The following PTPRN2 variants were observed in gnomAD, a reference collection of about 807,000 sequenced individuals.
PTPRN2 encodes the protein receptor-type tyrosine-protein phosphatase N2.
PTPRN2 carries 74 observed loss-of-function variants against 118.8 expected under a neutral mutation model. The observed-to-expected ratio is 0.62, with a 90% confidence interval of 0.52 to 0.76. The LOEUF (loss-of-function observed/expected upper bound fraction) is 0.76. PTPRN2 is among the 30% of genes least tolerant of loss of function. The probability of loss-of-function intolerance (pLI) is 0.00; values close to 1 mark genes in which losing one functional copy is unlikely to be tolerated. For synonymous variants in PTPRN2, 641 were observed against 608.0 expected (o/e 1.05, Z -0.80); for missense variants, 1,481 against 1,394.4 (o/e 1.06, Z -0.99).
At chr7:157,835,442 C>T (rs1318376745) in intron 12 of PTPRN2, among the ~76,000 whole-genome samples, 2 of 152,134 alleles carry the variant, frequency 1.3e-5, no homozygotes, top group East Asian at 1.9e-4. Context: ...AGTTCACAAC[C>T]GAACCCGCAA....
intron 21 of PTPRN2, among the ~76,000 whole-genome samples, chr7:157,566,955 A>G (rs2150505887): frequency 6.6e-6 from 1 of 152,288 alleles, no homozygotes; most frequent in Non-Finnish European, 1.5e-5. Context: ...CCAGCAACTC[A>G]CCACATCACA....
chr7:158,430,667 G>A lies in PTPRN2; in HGVS notation c.163+59068C>T, dbSNP rs553594928. 1.3e-4 allele frequency among the ~76,000 whole-genome samples: 20 copies of A among 152,348 alleles called. No individual in the cohort carries two copies. The East Asian group carries it at 1.7e-3, about 13-fold the overall frequency. On this transcript the variant is annotated intron_variant, in intron 2 of 22. Transcript: ENST00000389418. ...ACCAGTGAAGCCATAAAGCCCACTC[G>A]GTGCCTTGTGGGGCCGACACCGTGT...
Position 157,590,347 on chromosome 7 carries a change from AGACCCCTCT to A in PTPRN2, c.2496+4882_2496+4890del, listed in dbSNP as rs546262314. On this transcript the variant is annotated intron_variant, in intron 17 of 22. Transcript: ENST00000389418. The surrounding 1 kb of genome is among the most constrained non-coding windows in gnomAD (Gnocchi z 4.0). The stretch of plus-strand genomic sequence containing the variant: ...TCTGAACTGTAACTCAGACTTCCAC[AGACCCCTCT>A]GAGCTGGAGTAAGGACCAGGAATTC... Among the ~76,000 whole-genome samples, 403 of 152,360 alleles carry A rather than the reference AGACCCCTCT, an allele frequency of 2.6e-3. 3 individuals carry two copies. Among genetic ancestry groups the A allele is most frequent in the African/African-American group, 9.2e-3 (383 of 41,596 alleles).
chr7:158,168,349 T>C (rs755972815), intron 5 of PTPRN2, among the ~76,000 whole-genome samples: 1 of 152,204 alleles, frequency 6.6e-6, no homozygotes, highest in East Asian at 1.9e-4. Flanking sequence ...CCAGACACAT[T>C]CATGAGGCTC....
chr7:157,792,347 G>C (rs1804562266), intron 12 of PTPRN2, among the ~76,000 whole-genome samples: 1 of 152,226 alleles, frequency 6.6e-6, no homozygotes, highest in African/African-American at 2.4e-5. Flanking sequence ...CCATCTCCCT[G>C]AGTTTCAGCT....
At position 158,454,611 on chromosome 7, in the gene PTPRN2, C is replaced by T. The variant is rs145750900; in HGVS notation, c.163+35124G>A. Among the ~76,000 whole-genome samples the T allele has an allele frequency of 4.6e-3, 701 of 151,912 alleles. 8 individuals are homozygous for T. The highest frequency in any genetic ancestry group is 0.016 in the African/African-American group (647 of 41,392). On this transcript the variant is annotated intron_variant, in intron 2 of 22. Transcript: ENST00000389418. The stretch of plus-strand genomic sequence containing the variant: ...GCTACAGAGGACAGACAAGACACAA[C>T]GCACACAATCACCAATGTCAGGATT...
chr7:157,811,332 TTATATATATA>T lies in PTPRN2; in HGVS notation c.1788+87331_1788+87340del, dbSNP rs71189737. 1.2e-3 allele frequency among the ~76,000 whole-genome samples: 155 copies of T among 131,288 alleles called. 1 individual carries two copies. The highest frequency in any genetic ancestry group is 4.2e-3 in the African/African-American group (148 of 35,350). The allele number at this position is 131,288 out of a possible 152,430, so 86.1% of individuals were successfully genotyped here. A position where few individuals can be genotyped will look rare whatever the true frequency, so the allele number is the denominator to read the frequency against. ...TCATGGATTTTTGTAATCTACTCTA[TTATATATATA>T]TATATATATATATATATGCACACAC... is the stretch of plus-strand genomic sequence containing the variant. On this transcript the variant is annotated intron_variant, in intron 12 of 22. Transcript: ENST00000389418.
At chr7:158,125,109 C>T (rs963287747) in intron 9 of PTPRN2, among the ~76,000 whole-genome samples, 28 of 152,278 alleles carry the variant, frequency 1.8e-4, no homozygotes, top group Admixed American at 2.6e-4. Context: ...GCCGGGCTGG[C>T]GAGACATGGC....
chr7:158,053,982 C>CTCCAGAGAT (rs1809566005), intron 11 of PTPRN2, among the ~76,000 whole-genome samples: 1 of 120,122 alleles, frequency 8.3e-6, no homozygotes, highest in African/African-American at 3.1e-5. Context: ...ACCCTAGAGA[C>CTCCAGAGAT]GCAGAGACCC....
intron 3 of PTPRN2, among the ~76,000 whole-genome samples, chr7:158,227,468 G>C (rs1828875818): frequency 6.6e-6 from 1 of 152,210 alleles, no homozygotes; most frequent in South Asian, 2.1e-4. Context: ...AACGTGGTCA[G>C]GGTTGAAATG....
In PTPRN2 at chr7:157,590,846, A is replaced by G. The variant is rs948034733; in HGVS notation, c.2496+4392T>C. ...GGCCCTCCTGGCTCCTCTGCCTCCC[A>G]GCAGCCCAGTGACCTCCAAACGGAC... On this transcript the variant is annotated intron_variant, in intron 17 of 22. Transcript: ENST00000389418. This position sits in a 1 kb window ranked among gnomAD's most constrained non-coding sequence, Gnocchi z 4.0. Among the ~76,000 whole-genome samples, 2 of 152,160 alleles carry G rather than the reference A, an allele frequency of 1.3e-5. No individual in the cohort carries two copies. The highest frequency in any genetic ancestry group is 4.8e-5 in the African/African-American group (2 of 41,450).
chr7:158,238,926 C>T (rs1406803272), intron 3 of PTPRN2, among the ~76,000 whole-genome samples: 3 of 152,176 alleles, frequency 2.0e-5, no homozygotes, highest in African/African-American at 7.2e-5. Flanking sequence ...CCAGGACGCC[C>T]CCAGGACAGG....
intron 13 of PTPRN2, among the ~76,000 whole-genome samples, chr7:157,658,973 AG>A (rs1262923718): frequency 2.0e-5 from 3 of 151,842 alleles, no homozygotes; most frequent in Non-Finnish European, 4.4e-5. Context: ...GCCAAAGCTC[AG>A]GAAACACTCC....
intron 10 of PTPRN2, among the ~76,000 whole-genome samples, chr7:158,087,469 A>C (rs976758479): frequency 6.6e-6 from 1 of 152,268 alleles, no homozygotes; most frequent in Non-Finnish European, 1.5e-5. Flanking sequence ...TGTTCCTGGG[A>C]GAACCATCCA....
intron 2 of PTPRN2, among the ~76,000 whole-genome samples, chr7:158,337,186 GA>G (rs1247180219): frequency 2.5e-5 from 3 of 117,678 alleles, no homozygotes; most frequent in African/African-American, 9.3e-5. Flanking sequence ...CACTCACACC[GA>G]CACTCTCACC....
chr7:157,974,223 C>T lies in PTPRN2; in HGVS notation c.1724-75486G>A, dbSNP rs554926443. On this transcript the variant is annotated intron_variant, in intron 11 of 22. Coordinates refer to ENST00000389418, the MANE Select transcript of PTPRN2 (RefSeq NM_002847.5). The surrounding 1 kb of genome is among the most constrained non-coding windows in gnomAD (Gnocchi z 4.0). ...ACCCTGGTTGATGTGCAGAGTGACC[C>T]TGCAGTCAAGTCTGTTTGCCTCCCA... Among the ~76,000 whole-genome samples, 1 of 152,344 alleles carries T rather than the reference C, an allele frequency of 6.6e-6. No individual in the cohort carries two copies. Among genetic ancestry groups the T allele is most frequent in the South Asian group, 2.1e-4 (1 of 4,824 alleles).
chr7:157,578,234 T>C, intron 17 of PTPRN2, 94 bp from the exon 18 acceptor site: 1 of 1,379,042 alleles, frequency 7.3e-7, no homozygotes, highest in Non-Finnish European at 9.7e-7. Context: ...TCCAAATTTA[T>C]TCCATTCACA....
At position 158,003,573 on chromosome 7, in the gene PTPRN2, C is replaced by T. The variant is rs112753916; in HGVS notation, c.1723+77725G>A. Among the ~76,000 whole-genome samples the T allele has an allele frequency of 2.0e-5, 3 of 152,152 alleles. No homozygotes were observed. The highest frequency in any genetic ancestry group is 7.2e-5 in the African/African-American group (3 of 41,436). ...AGCCACCGTGAGCCAGGGAATGCGG[C>T]CCCAGGAACAAGCCCTGCCCACAGG... On this transcript the variant is annotated intron_variant, in intron 11 of 22. Coordinates refer to ENST00000389418, the MANE Select transcript of PTPRN2 (RefSeq NM_002847.5). This position sits in a 1 kb window ranked among gnomAD's most constrained non-coding sequence, Gnocchi z 5.0.
rs902519460 is a variant in PTPRN2 at position 157,903,921 on chromosome 7, G to A, written c.1724-5184C>T. On this transcript the variant is annotated intron_variant, in intron 11 of 22. Transcript: ENST00000389418. The surrounding 1 kb of genome is among the most constrained non-coding windows in gnomAD (Gnocchi z 4.2). ...ACGTGGGAGCCTCTGAGCCAGCATG[G>A]CCCAGGTCTCAGCACACAGCAAGCG... is the stretch of plus-strand genomic sequence containing the variant. Among the ~76,000 whole-genome samples, 7 of 152,140 alleles carry A rather than the reference G, an allele frequency of 4.6e-5. No individual in the cohort carries two copies. Among genetic ancestry groups the A allele is most frequent in the Non-Finnish European group, 8.8e-5 (6 of 68,034 alleles).
Sources: gnomAD v4.1 joint callset for allele counts (sites outside exome capture counted in the v4.1 genomes callset) on GRCh38, gnomAD v4.1.1 for gene constraint, Gnocchi (gnomAD v3.1) non-coding constraint, MANE v1.5 for transcripts, NCBI Gene and HGNC (gene_info 2026-07-23, HGNC 2026-07-21) for gene names.